ATP4A: variants seen among roughly 807,000 people sequenced by gnomAD.
ATP4A encodes the protein ATPase H+/K+ transporting subunit alpha.
In ATP4A, 73 loss-of-function variants were observed where a neutral mutation model predicts 112.1. The observed-to-expected ratio is 0.65, with a 90% CI of 0.54 to 0.79. ATP4A has a LOEUF of 0.79. ATP4A is among the 30% of genes least tolerant of loss of function. The pLI, the probability that ATP4A is intolerant of heterozygous loss-of-function variation, is 0.00. For missense variants in ATP4A, 1,081 were observed against 1,425.9 expected (o/e 0.76, Z 3.90); for synonymous variants, 588 against 588.9 (o/e 1.00, Z 0.02).
Position 35,557,095 on chromosome 19 carries a change from G to A in ATP4A, c.1694-7C>T, listed in dbSNP as rs375904383. 3.8e-5 allele frequency: 62 copies of A among 1,613,914 alleles called. No individual in the cohort carries two copies. Among genetic ancestry groups the A allele is most frequent in the Middle Eastern group, 3.3e-4 (2 of 6,080 alleles). ...AGGTAGAGCTGGCAGAAGCCTGACC[G>A]GAAACGGGGAAGTCAGGGAAGAGCC... On this transcript the variant is annotated splice_polypyrimidine_tract_variant and splice_region_variant and intron_variant, in intron 11 of 21. Transcript: ENST00000262623. This position sits in a 1 kb window ranked among gnomAD's most constrained non-coding sequence, Gnocchi z 4.4.
At position 35,550,660 on chromosome 19, in the gene ATP4A, GA is replaced by G; in HGVS notation, c.3080-18del. On this transcript the variant is annotated intron_variant, in intron 21 of 21. Transcript: ENST00000262623. This position sits in a 1 kb window ranked among gnomAD's most constrained non-coding sequence, Gnocchi z 4.1. ...CCCACCAGCCTGGGAGAGAGAGGGA[GA>G]AAGGAGACTCAGTGCTGGGGGTGCC... The G allele has an allele frequency of 6.2e-7, 1 of 1,613,898 alleles. No individual in the cohort carries two copies.
intron 18 of ATP4A, among the ~76,000 whole-genome samples, 191 bp downstream of exon 18, chr19:35,552,846 T>G (rs2071608911): frequency 6.6e-6 from 1 of 152,100 alleles, no homozygotes; most frequent in Non-Finnish European, 1.5e-5. Context: ...GTTGCGATCA[T>G]CAGAAGCAGG....
chr19:35,552,597 T>C (rs551224039), intron 18 of ATP4A, among the ~76,000 whole-genome samples: 9 of 152,326 alleles, frequency 5.9e-5, no homozygotes, highest in African/African-American at 2.2e-4. Flanking sequence ...CTTCAGTGTC[T>C]ACCTTAACCA....
chr19:35,553,877 T>C, intron 16 of ATP4A, 48 bp from the exon 17 acceptor site: 1 of 1,535,692 alleles, frequency 6.5e-7, no homozygotes, highest in Non-Finnish European at 8.8e-7. Context: ...GCTGGGCCCT[T>C]GTCCCCTCCA....
In ATP4A at chr19:35,557,655, C is replaced by G. The variant is rs752236202; in HGVS notation, c.1693G>C (p.Gly565Arg). 9 of 1,604,680 alleles carry G rather than the reference C, an allele frequency of 5.6e-6. No individual in the cohort carries two copies. The highest frequency in any genetic ancestry group is 6.8e-6 in the Non-Finnish European group (8 of 1,176,580). Residue 565 changes from glycine to arginine, a missense_variant and splice_region_variant, in exon 11 of 22, where the codon GGC (glycine) becomes CGC (arginine). Coordinates refer to ENST00000262623, the MANE Select transcript of ATP4A (RefSeq NM_000704.3). The surrounding 1 kb of genome is among the most constrained non-coding windows in gnomAD (Gnocchi z 4.4). The stretch of plus-strand genomic sequence containing the variant: ...CTCCTCCCCTGCCCAGGGGTCTCAC[C>G]GAGCACGCGTTCGCCCAGGCCTCCC... ...SLGGLGERVL[G>R]FCQLYLNEKD...
In ATP4A at chr19:35,555,094, C is replaced by T. The variant is rs750306708; in HGVS notation, c.2327-18G>A. ...CAGTCGACCTGTGGGGTAGGGTGGG[C>T]ACCTCAGCCTCCTCACAGCCCTCTC... is the stretch of plus-strand genomic sequence containing the variant. On this transcript the variant is annotated intron_variant, in intron 15 of 21. Transcript: ENST00000262623. This position sits in a 1 kb window ranked among gnomAD's most constrained non-coding sequence, Gnocchi z 6.6. 5 of 1,612,588 alleles carry T rather than the reference C, an allele frequency of 3.1e-6. No homozygotes were observed. The highest frequency in any genetic ancestry group is 1.3e-5 in the African/African-American group (1 of 74,892).
In ATP4A at chr19:35,560,398, C is replaced by T. The variant is rs144661332; in HGVS notation, c.752G>A (p.Arg251His). The change falls in exon 6 of 22, where the codon CGC becomes CAC. Residue 251 changes from arginine to histidine, a missense_variant. This residue lies in a region of ATP4A where 850 missense variants were observed against 1,068.2 expected (regional missense o/e 0.80). Coordinates refer to ENST00000262623, the MANE Select transcript of ATP4A (RefSeq NM_000704.3). This position sits in a 1 kb window ranked among gnomAD's most constrained non-coding sequence, Gnocchi z 5.1. Reference sequence around the variant, plus strand: ...CATGGTGGAGAAGAAGGCGATGTTGCGGGTCTCCAGAGGGCTCTCGTGCGT... The same window carrying T: ...CATGGTGGAGAAGAAGGCGATGTTGTGGGTCTCCAGAGGGCTCTCGTGCGT... ...ECTHESPLETRNIAFFSTMCL... is the reference protein window; with the variant it reads ...ECTHESPLETHNIAFFSTMCL... 5.0e-6 allele frequency: 8 copies of T among 1,613,930 alleles called. No homozygotes were observed. The Admixed American group carries it at 6.7e-5, about 13-fold the overall frequency.
rs1449241717 is a variant in ATP4A, at chr19:35,558,875, G to C, written c.1255+118C>G. 1.7e-5 allele frequency: 23 copies of C among 1,375,228 alleles called. No individual in the cohort carries two copies. Among genetic ancestry groups the C allele is most frequent in the Non-Finnish European group, 2.2e-5 (22 of 995,686 alleles). 85.2% of individuals were successfully genotyped at this position (1,375,228 alleles called of 1,614,324 possible). ...AGACCCGGTAGCGAGTCTCCTTTGA[G>C]ACCTGGAGCCGAGCCGCCCCGCCTT... is the stretch of plus-strand genomic sequence containing the variant. On this transcript the variant is annotated intron_variant, in intron 8 of 21. Coordinates refer to ENST00000262623, the MANE Select transcript of ATP4A (RefSeq NM_000704.3). This position sits in a 1 kb window ranked among gnomAD's most constrained non-coding sequence, Gnocchi z 5.1.
chr19:35,552,898 G>A (rs915224433), intron 18 of ATP4A, 139 bp downstream of exon 18: 46 of 1,132,622 alleles, frequency 4.1e-5, no homozygotes, highest in Admixed American at 1.1e-4. Flanking sequence ...TTGCCCCCCC[G>A]AACTGGCAGG....
chr19:35,554,504 G>A (rs1028826883), intron 16 of ATP4A, among the ~76,000 whole-genome samples: 18 of 152,168 alleles, frequency 1.2e-4, no homozygotes, highest in African/African-American at 2.2e-4. Context: ...ACACAGCTGC[G>A]CCTCTGGCTG....
At chr19:35,563,046 C>T (rs2071681324) in intron 3 of ATP4A, among the ~76,000 whole-genome samples, 163 bp downstream of exon 3, 1 of 143,580 alleles carries the variant, frequency 7.0e-6, no homozygotes, top group African/African-American at 2.6e-5. Flanking sequence ...CTCTCTCCCT[C>T]CCTCCCTCTT....
At position 35,550,527 on chromosome 19, in the gene ATP4A, G is replaced by A; in HGVS notation, c.*88C>T. ...TGGGGCTGGGACTCTTGGTTGCTCAGATATCTTGGTGGCTGTCCAGAGGGT... is the reference window on the plus strand; with the variant it reads ...TGGGGCTGGGACTCTTGGTTGCTCAAATATCTTGGTGGCTGTCCAGAGGGT... On this transcript the variant is annotated 3_prime_UTR_variant, in exon 22 of 22. Transcript: ENST00000262623. The surrounding 1 kb of genome is among the most constrained non-coding windows in gnomAD (Gnocchi z 4.1). 1 of 1,549,534 alleles carries A rather than the reference G, an allele frequency of 6.5e-7. No homozygotes were observed.
chr19:35,554,684 G>A (rs1189139326), intron 16 of ATP4A, among the ~76,000 whole-genome samples: 1 of 151,970 alleles, frequency 6.6e-6, no homozygotes, highest in African/African-American at 2.4e-5. Context: ...TCATGTGTGT[G>A]CATGGGTCGG....
rs772182147 is a variant in ATP4A at position 35,559,961 on chromosome 19, C to T, written c.900G>A (p.Glu300=). Residue 300 remains glutamate (E), a synonymous_variant, in exon 7 of 22, where the codon GAG becomes GAA. Transcript: ENST00000262623. This position sits in a 1 kb window ranked among gnomAD's most constrained non-coding sequence, Gnocchi z 4.1. ...GGCCCGCGATGATGTCCACAAAATG[C>T]TCGATCTCGATAGCGATGGGTGTCT... is the stretch of plus-strand genomic sequence containing the variant. ...NEKTPIAIEI[E]HFVDIIAGLA... is the part of the protein sequence containing the mutation. 1 of 1,614,250 alleles carries T rather than the reference C, an allele frequency of 6.2e-7. No homozygotes were observed. Among genetic ancestry groups the T allele is most frequent in the Non-Finnish European group, 8.5e-7 (1 of 1,180,054 alleles).
chr19:35,558,862 G>A lies in ATP4A; in HGVS notation c.1255+131C>T. 3 of 1,314,204 alleles carry A rather than the reference G, an allele frequency of 2.3e-6. No individual in the cohort carries two copies. The highest frequency in any genetic ancestry group is 2.1e-6 in the Non-Finnish European group (2 of 948,478). The allele number at this position is 1,314,204 out of a possible 1,614,324, so 81.4% of individuals were successfully genotyped here. On this transcript the variant is annotated intron_variant, in intron 8 of 21. Coordinates refer to ENST00000262623, the MANE Select transcript of ATP4A (RefSeq NM_000704.3). The surrounding 1 kb of genome is among the most constrained non-coding windows in gnomAD (Gnocchi z 5.1). The stretch of plus-strand genomic sequence containing the variant: ...GACCCTTCCCTCTAGACCCGGTAGC[G>A]AGTCTCCTTTGAGACCTGGAGCCGA...
chr19:35,555,651 C>A lies in ATP4A; in HGVS notation c.2006+25G>T. The A allele has an allele frequency of 6.3e-7, 1 of 1,589,254 alleles. No individual in the cohort carries two copies. Among genetic ancestry groups the A allele is most frequent in the Non-Finnish European group, 8.6e-7 (1 of 1,161,016 alleles). ...GGTCTGTGCCAGATGTGGGGAGAAC[C>A]CCGGGGAGGTCTGGGGGGGCTTACT... On this transcript the variant is annotated intron_variant, in intron 13 of 21. Coordinates refer to ENST00000262623, the MANE Select transcript of ATP4A (RefSeq NM_000704.3). This position sits in a 1 kb window ranked among gnomAD's most constrained non-coding sequence, Gnocchi z 6.6.
chr19:35,560,749 G>T lies in ATP4A; in HGVS notation c.534+70C>A. On this transcript the variant is annotated intron_variant, in intron 5 of 21. Transcript: ENST00000262623. This position sits in a 1 kb window ranked among gnomAD's most constrained non-coding sequence, Gnocchi z 5.1. ...GGCCACAGATGAGGGACAGGGGCCTGATGGAAGGAGGCTACAGGAGCAGTT... is the reference window on the plus strand; with the variant it reads ...GGCCACAGATGAGGGACAGGGGCCTTATGGAAGGAGGCTACAGGAGCAGTT... 1 of 1,584,152 alleles carries T rather than the reference G, an allele frequency of 6.3e-7. No homozygotes were observed. The highest frequency in any genetic ancestry group is 8.7e-7 in the Non-Finnish European group (1 of 1,153,116).
At chr19:35,553,648 G>A in intron 17 of ATP4A, 58 bp downstream of exon 17, 1 of 1,589,794 alleles carries the variant, frequency 6.3e-7, no homozygotes, top group Non-Finnish European at 8.6e-7. Context: ...CCTGGGGCAG[G>A]CGAGCAGCCC....
In ATP4A at chr19:35,561,791, G is replaced by A. The variant is rs144960082; in HGVS notation, c.420+644C>T. 6.8e-3 allele frequency among the ~76,000 whole-genome samples: 1,021 copies of A among 149,140 alleles called. 13 individuals are homozygous for A. The highest frequency in any genetic ancestry group is 0.024 in the African/African-American group (965 of 40,252). Reference sequence around the variant, plus strand: ...TGAGTCCCAGGGTCTCCTATTCCCCGTGCCTCAGTCTGTCCTGTGTCTGCA... The same window carrying A: ...TGAGTCCCAGGGTCTCCTATTCCCCATGCCTCAGTCTGTCCTGTGTCTGCA... On this transcript the variant is annotated intron_variant, in intron 4 of 21. Coordinates refer to ENST00000262623, the MANE Select transcript of ATP4A (RefSeq NM_000704.3).
Sources: allele counts gnomAD v4.1 joint callset (sites outside exome capture counted in the v4.1 genomes callset), GRCh38; gene constraint gnomAD v4.1.1; regional missense constraint gnomAD v4.1.1; non-coding constraint Gnocchi (gnomAD v3.1); transcripts MANE v1.5; gene names NCBI Gene and HGNC (gene_info 2026-07-23, HGNC 2026-07-21).